FRY: variants seen among roughly 807,000 people sequenced by gnomAD.
FRY encodes protein furry homolog.
FRY carries 128 observed loss-of-function variants against 348.4 expected under a neutral mutation model. That is an observed-to-expected ratio of 0.37 (90% CI 0.32 to 0.43). The LOEUF is 0.43. FRY is among the 20% of genes least tolerant of loss of function. FRY has a pLI of 1.00. For missense variants in FRY, 2,736 were observed against 3,695.2 expected (o/e 0.74, Z 6.73); for synonymous variants, 1,370 against 1,374.7 (o/e 1.00, Z 0.08).
At chr13:32,057,965 A>T (rs892433983) in intron 1 of FRY, among the ~76,000 whole-genome samples, 35 of 151,976 alleles carry the variant, frequency 2.3e-4, no homozygotes, top group Admixed American at 3.9e-4. Context: ...GTCTCAAAAA[A>T]AAATAAATAA....
Position 32,225,979 on chromosome 13 carries a change from C to T in FRY, c.5206+5C>T. ...AACCTGAATATCTCTATACAGGTAA[C>T]AGAGAAGGACTGGTAGAGAGCCTAG... On this transcript the variant is annotated splice_donor_5th_base_variant and intron_variant, in intron 39 of 60. Transcript: ENST00000542859. The T allele has an allele frequency of 6.2e-7, 1 of 1,611,728 alleles. No individual in the cohort carries two copies. The highest frequency in any genetic ancestry group is 8.5e-7 in the Non-Finnish European group (1 of 1,177,894).
intron 37 of FRY, among the ~76,000 whole-genome samples, chr13:32,224,688 T>C (rs952900878): frequency 2.0e-5 from 3 of 152,244 alleles, no homozygotes; most frequent in Non-Finnish European, 2.9e-5. Context: ...TTGATTTCTC[T>C]TCATCCCTTA....
At chr13:32,065,206 A>G (rs1874177940) in intron 1 of FRY, among the ~76,000 whole-genome samples, 1 of 152,250 alleles carries the variant, frequency 6.6e-6, no homozygotes, top group Non-Finnish European at 1.5e-5. Context: ...AGGAGAAAAA[A>G]TTAGGATAAT....
intron 58 of FRY, among the ~76,000 whole-genome samples, chr13:32,285,511 A>G (rs1040328032): frequency 6.6e-6 from 1 of 152,224 alleles, no homozygotes; most frequent in African/African-American, 2.4e-5. Flanking sequence ...GGAGGAATTC[A>G]TTGACAATGA....
At chr13:32,250,517 C>T (rs1334837872) in intron 49 of FRY, among the ~76,000 whole-genome samples, 2 of 152,192 alleles carry the variant, frequency 1.3e-5, no homozygotes, top group Admixed American at 6.5e-5. Flanking sequence ...CCTCTGGCAG[C>T]TCCAGGTTTA....
intron 1 of FRY, chr13:32,060,818 T>A: frequency 3.5e-6 from 1 of 289,806 alleles, no homozygotes; most frequent in South Asian, 3.5e-5. Flanking sequence ...GGGCACTCTG[T>A]GAGTTGTAGG....
chr13:32,062,558 C>T (rs1874005498), intron 1 of FRY, among the ~76,000 whole-genome samples: 1 of 152,234 alleles, frequency 6.6e-6, no homozygotes, highest in Non-Finnish European at 1.5e-5. Context: ...TTATAAATTT[C>T]TGGTGAGCAT....
At chr13:32,054,417 A>G (rs1873509279) in intron 1 of FRY, among the ~76,000 whole-genome samples, 1 of 109,950 alleles carries the variant, frequency 9.1e-6, no homozygotes, top group East Asian at 2.2e-4. Flanking sequence ...GAGTTTAAAA[A>G]CTAGACCAAA....
chr13:32,286,995 T>TAAA (rs965923723), intron 58 of FRY, among the ~76,000 whole-genome samples: 1 of 139,186 alleles, frequency 7.2e-6, no homozygotes, highest in African/African-American at 2.6e-5. Context: ...CCATCTCTAC[T>TAAA]AAAAAAAAAA....
At chr13:32,077,590 T>C (rs1284294600) in intron 1 of FRY, among the ~76,000 whole-genome samples, 1 of 152,198 alleles carries the variant, frequency 6.6e-6, no homozygotes, top group Non-Finnish European at 1.5e-5. Context: ...GAGTCGTCTG[T>C]GTAACAATGG....
intron 1 of FRY, among the ~76,000 whole-genome samples, chr13:32,063,623 A>G (rs939843215): frequency 1.3e-5 from 2 of 152,178 alleles, no homozygotes; most frequent in Non-Finnish European, 2.9e-5. Flanking sequence ...TTTCTGTTCT[A>G]TTTCATCAAA....
intron 15 of FRY, among the ~76,000 whole-genome samples, chr13:32,156,010 T>A (rs1881083171): frequency 6.6e-6 from 1 of 152,216 alleles, no homozygotes; most frequent in South Asian, 2.1e-4. Context: ...TCCTTCTTTT[T>A]TCTTTAGTTA....
Position 32,278,483 on chromosome 13 carries a change from G to A in FRY, c.8404G>A (p.Ala2802Thr), listed in dbSNP as rs1029163498. 1 of 1,591,660 alleles carries A rather than the reference G, an allele frequency of 6.3e-7. No homozygotes were observed. The highest frequency in any genetic ancestry group is 2.2e-5 in the East Asian group (1 of 44,738). Residue 2802 changes from alanine to threonine, a missense_variant, in exon 58 of 61, where the codon GCA (alanine) becomes ACA (threonine). Ala to Thr is a moderately conservative substitution (Grantham distance 58). This residue lies in a region of FRY where 789 missense variants were observed against 996.2 expected (regional missense o/e 0.79). Transcript: ENST00000542859. ...CTGACAGTGGCTTGCAAATTGTAAGGCAACATTTGCAGGGGGATCAAGAGA... is the reference window on the plus strand; with the variant it reads ...CTGACAGTGGCTTGCAAATTGTAAGACAACATTTGCAGGGGGATCAAGAGA... The part of the protein sequence containing the change: ...ATLSWLANCK[A>T]TFAGGSRDGV...
intron 40 of FRY, among the ~76,000 whole-genome samples, chr13:32,229,825 C>T (rs1885812381): frequency 6.6e-6 from 1 of 152,190 alleles, no homozygotes; most frequent in Admixed American, 6.5e-5. Flanking sequence ...GAGTCCATGT[C>T]TAAATCTTTA....
intron 29 of FRY, among the ~76,000 whole-genome samples, chr13:32,195,754 C>T (rs1439665901): frequency 1.3e-5 from 2 of 152,042 alleles, no homozygotes; most frequent in Admixed American, 6.5e-5. Flanking sequence ...TGCTATGTTC[C>T]AAGTATTTTT....
chr13:32,187,532 G>A lies in FRY; in HGVS notation c.3481-14G>A. ...AAGTTTCATTTCCATGTCTTGTTGT[G>A]TTTTTATCATCAGGCAATGTCAGCA... On this transcript the variant is annotated splice_polypyrimidine_tract_variant and intron_variant, in intron 27 of 60. Transcript: ENST00000542859. 6.6e-7 allele frequency: 1 copy of A among 1,511,288 alleles called. No individual in the cohort carries two copies. The highest frequency in any genetic ancestry group is 1.1e-5 in the South Asian group (1 of 89,010). 93.6% of individuals were successfully genotyped at this position (1,511,288 alleles called of 1,614,324 possible).
chr13:32,245,107 G>A lies in FRY; in HGVS notation c.6828+925G>A, dbSNP rs555155705. On this transcript the variant is annotated intron_variant, in intron 47 of 60. Coordinates refer to ENST00000542859, the MANE Select transcript of FRY (RefSeq NM_023037.3). ...TGGGACTACAGGCGTGTGCCACCAC[G>A]CCCGGCTAATTTTTGTATTTTTAGT... Among the ~76,000 whole-genome samples, 220 of 152,016 alleles carry A rather than the reference G, an allele frequency of 1.4e-3. 2 individuals are homozygous for A. Among genetic ancestry groups the A allele is most frequent in the African/African-American group, 5.0e-3 (207 of 41,488 alleles).
Position 32,213,424 on chromosome 13 carries a change from A to G in FRY, c.4682+1042A>G, listed in dbSNP as rs200451161. 1.4e-4 allele frequency among the ~76,000 whole-genome samples: 22 copies of G among 152,366 alleles called. No individual in the cohort carries two copies. In the East Asian group the frequency reaches 4.2e-3, roughly 29 times the overall value. On this transcript the variant is annotated intron_variant, in intron 35 of 60. Transcript: ENST00000542859. Reference sequence around the variant, plus strand: ...CTCATCCATACGGGCTTCCCTTCAGACTAAAAGCCCAAACCCAGCAGATCA... The same window carrying G: ...CTCATCCATACGGGCTTCCCTTCAGGCTAAAAGCCCAAACCCAGCAGATCA...
intron 2 of FRY, among the ~76,000 whole-genome samples, chr13:32,097,622 A>G (rs1382362807): frequency 6.6e-6 from 1 of 151,062 alleles, no homozygotes; most frequent in East Asian, 1.9e-4. Context: ...CGGCCTCCCA[A>G]AGTCCTGGGA....
Sources: allele counts gnomAD v4.1 joint callset (sites outside exome capture counted in the v4.1 genomes callset), GRCh38; gene constraint gnomAD v4.1.1; regional missense constraint gnomAD v4.1.1; transcripts MANE v1.5; gene names NCBI Gene and HGNC (gene_info 2026-07-23, HGNC 2026-07-21).